WWOX: variants seen among roughly 807,000 people sequenced by gnomAD.
WWOX encodes WW domain containing oxidoreductase, also known as WW domain-containing oxidoreductase.
WWOX carries 69 observed loss-of-function variants against 46.2 expected under a neutral mutation model. The observed-to-expected ratio is 1.49, with a 90% CI of 1.23 to 1.82. The LOEUF (loss-of-function observed/expected upper bound fraction) is 1.82, where lower values mean the gene tolerates loss of function less well. WWOX is among the 40% of genes most tolerant of loss of function. The pLI is 0.00. For missense variants in WWOX, 919 were observed against 542.6 expected (o/e 1.69, Z -6.89); for synonymous variants, 359 against 202.6 (o/e 1.77, Z -6.56).
At chr16:78,967,903 G>A (rs1355215773) in intron 8 of WWOX, among the ~76,000 whole-genome samples, 2 of 152,172 alleles carry the variant, frequency 1.3e-5, no homozygotes, top group Non-Finnish European at 2.9e-5. Flanking sequence ...GAGGAGGAGG[G>A]AACAGGGAGA....
intron 8 of WWOX, among the ~76,000 whole-genome samples, chr16:78,772,638 A>C (rs553141053): frequency 6.6e-6 from 1 of 152,236 alleles, no homozygotes; most frequent in East Asian, 1.9e-4. Flanking sequence ...CAGCATGGCT[A>C]CTACTAGCTA....
chr16:78,376,587 C>T (rs1258772189), intron 5 of WWOX, among the ~76,000 whole-genome samples: 2 of 152,196 alleles, frequency 1.3e-5, no homozygotes, highest in East Asian at 3.9e-4. Flanking sequence ...AAACCACACG[C>T]AGGCATCCTC....
chr16:78,367,605 G>A (rs1255560032), intron 5 of WWOX, among the ~76,000 whole-genome samples: 8 of 152,096 alleles, frequency 5.3e-5, no homozygotes, highest in Non-Finnish European at 7.3e-5. Context: ...AAGTATTTAC[G>A]GATGTGGCCC....
intron 8 of WWOX, among the ~76,000 whole-genome samples, chr16:78,927,175 GT>G (rs1187344176): frequency 6.6e-6 from 1 of 152,198 alleles, no homozygotes; most frequent in East Asian, 1.9e-4. Context: ...AATGGACCTT[GT>G]TTTGAGGAGA....
intron 4 of WWOX, among the ~76,000 whole-genome samples, chr16:78,158,395 T>C (rs549091741): frequency 1.3e-5 from 2 of 152,302 alleles, no homozygotes; most frequent in African/African-American, 4.8e-5. Flanking sequence ...TTACAAAATA[T>C]GGTATTTTTT....
chr16:78,242,197 C>A (rs1346570745), intron 5 of WWOX, among the ~76,000 whole-genome samples: 1 of 152,162 alleles, frequency 6.6e-6, no homozygotes, highest in Non-Finnish European at 1.5e-5. Context: ...CTTTAATGGG[C>A]TAAACAGCCA....
At chr16:78,602,017 G>C (rs2045634136) in intron 8 of WWOX, among the ~76,000 whole-genome samples, 1 of 152,172 alleles carries the variant, frequency 6.6e-6, no homozygotes, top group East Asian at 1.9e-4. Flanking sequence ...TTTCGTATTA[G>C]GGATATAATG....
At chr16:78,156,684 G>C (rs1415306989) in intron 4 of WWOX, among the ~76,000 whole-genome samples, 2 of 152,188 alleles carry the variant, frequency 1.3e-5, no homozygotes, top group African/African-American at 4.8e-5. Flanking sequence ...AGCACTTTGG[G>C]AGGTCGAGGT....
At chr16:78,857,766 A>C (rs568495920) in intron 8 of WWOX, among the ~76,000 whole-genome samples, 1 of 152,340 alleles carries the variant, frequency 6.6e-6, no homozygotes, top group East Asian at 1.9e-4. Context: ...TTTTCCAAAA[A>C]GTTTTCCTTT....
intron 8 of WWOX, among the ~76,000 whole-genome samples, chr16:78,804,393 A>G (rs150182415): frequency 6.6e-6 from 1 of 152,184 alleles, no homozygotes; most frequent in Non-Finnish European, 1.5e-5. Flanking sequence ...TCTTGGAGGT[A>G]GGAAAAAAGG....
chr16:78,819,036 A>T (rs1027201641), intron 8 of WWOX, among the ~76,000 whole-genome samples: 1 of 152,158 alleles, frequency 6.6e-6, no homozygotes, highest in African/African-American at 2.4e-5. Flanking sequence ...AATTAAATGG[A>T]AACGATAACG....
chr16:78,319,968 A>C (rs185705158), intron 5 of WWOX, among the ~76,000 whole-genome samples: 2 of 152,198 alleles, frequency 1.3e-5, no homozygotes, highest in Non-Finnish European at 2.9e-5. Flanking sequence ...TCCCAATCAG[A>C]ATTCCCTCCT....
At chr16:78,310,575 C>G (rs541353414) in intron 5 of WWOX, among the ~76,000 whole-genome samples, 1 of 152,286 alleles carries the variant, frequency 6.6e-6, no homozygotes, top group African/African-American at 2.4e-5. Flanking sequence ...GCATGCCACC[C>G]CGGTGCTTCT....
At chr16:78,871,802 C>T (rs776976871) in intron 8 of WWOX, among the ~76,000 whole-genome samples, 5 of 152,146 alleles carry the variant, frequency 3.3e-5, no homozygotes, top group Non-Finnish European at 7.4e-5. Context: ...GGGGTTTCAC[C>T]ATATTGGCCA....
chr16:78,903,259 C>T (rs907458128), intron 8 of WWOX, among the ~76,000 whole-genome samples: 6 of 152,090 alleles, frequency 3.9e-5, no homozygotes, highest in Admixed American at 2.6e-4. Context: ...AGAAAGCAAC[C>T]AATCAGAGGC....
At chr16:78,661,747 A>G (rs1224279330) in intron 8 of WWOX, among the ~76,000 whole-genome samples, 1 of 152,168 alleles carries the variant, frequency 6.6e-6, no homozygotes, top group Non-Finnish European at 1.5e-5. Context: ...TAATAATAGT[A>G]GTTAATAGAC....
At chr16:78,662,020 G>C (rs2047225262) in intron 8 of WWOX, among the ~76,000 whole-genome samples, 2 of 152,216 alleles carry the variant, frequency 1.3e-5, no homozygotes, top group South Asian at 4.1e-4. Context: ...CTCCAGCCTG[G>C]ATGATAGAGC....
intron 8 of WWOX, among the ~76,000 whole-genome samples, chr16:79,059,987 T>C (rs1034970671): frequency 2.0e-5 from 3 of 152,336 alleles, no homozygotes; most frequent in African/African-American, 7.2e-5. Flanking sequence ...CAATTCCTTA[T>C]TGAATAGATT....
chr16:78,673,900 A>G (rs1051789065), intron 8 of WWOX, among the ~76,000 whole-genome samples: 3 of 152,292 alleles, frequency 2.0e-5, no homozygotes, highest in Non-Finnish European at 4.4e-5. Flanking sequence ...CTACAGGGAA[A>G]TGTTTAATTG....
Sources: gnomAD v4.1 joint callset for allele counts (sites outside exome capture counted in the v4.1 genomes callset) on GRCh38, gnomAD v4.1.1 for gene constraint, MANE v1.5 for transcripts, NCBI Gene and HGNC (gene_info 2026-07-23, HGNC 2026-07-21) for gene names.